UBQLN1: variants seen among roughly 807,000 people sequenced by gnomAD.
UBQLN1 encodes the protein ubiquilin-1.
Under a neutral mutation model 65.4 loss-of-function variants are expected in UBQLN1, and 13 were observed. The ratio of observed to expected loss-of-function variants is 0.20; its 90% CI spans 0.13 to 0.32. The LOEUF (loss-of-function observed/expected upper bound fraction) is 0.32. Ranked by LOEUF, UBQLN1 falls within the 10% of genes least tolerant of loss-of-function variation. UBQLN1 has a pLI of 1.00. For synonymous variants in UBQLN1, 267 were observed against 247.8 expected, an observed-to-expected ratio of 1.08 and a Z score of -0.73; for missense variants, 561 against 724.0, an observed-to-expected ratio of 0.77 and a Z score of 2.58.
At position 83,663,865 on chromosome 9, in the gene UBQLN1, G is replaced by T. The variant is rs767002643; in HGVS notation, c.1617+10C>A. On this transcript the variant is annotated intron_variant, in intron 10 of 10. Transcript: ENST00000376395. ...AGGAATACAAAACTTGAATGGAAAAGAACTGATACCTGAGGATTTACTCCA... is the reference window on the plus strand; with the variant it reads ...AGGAATACAAAACTTGAATGGAAAATAACTGATACCTGAGGATTTACTCCA... 1.2e-6 allele frequency: 2 copies of T among 1,608,628 alleles called. No homozygotes were observed. Among genetic ancestry groups the T allele is most frequent in the South Asian group, 1.1e-5 (1 of 90,082 alleles).
chr9:83,698,254 G>A (rs1356519099), intron 1 of UBQLN1, among the ~76,000 whole-genome samples: 3 of 152,112 alleles, frequency 2.0e-5, no homozygotes, highest in African/African-American at 7.2e-5. Flanking sequence ...CAAACTGGCT[G>A]AAATGCAATG....
chr9:83,671,531 C>T (rs1327289611), intron 6 of UBQLN1, among the ~76,000 whole-genome samples: 4 of 152,120 alleles, frequency 2.6e-5, no homozygotes, highest in African/African-American at 9.7e-5. Flanking sequence ...TCCATCAAAG[C>T]TCTTGGGTGA....
intron 6 of UBQLN1, among the ~76,000 whole-genome samples, chr9:83,671,464 G>A (rs944933436): frequency 6.6e-6 from 1 of 152,102 alleles, no homozygotes; most frequent in South Asian, 2.1e-4. Flanking sequence ...GCTGCATGCA[G>A]AATGAATGCT....
At chr9:83,695,403 T>A (rs1224512194) in intron 1 of UBQLN1, among the ~76,000 whole-genome samples, 1 of 152,184 alleles carries the variant, frequency 6.6e-6, no homozygotes, top group East Asian at 1.9e-4. Context: ...TTTCACTATA[T>A]TGGCCAGGCT....
At chr9:83,666,555 T>G (rs764691849) in intron 7 of UBQLN1, 122 bp from the exon 8 acceptor site, 1 of 877,704 alleles carries the variant, frequency 1.1e-6, no homozygotes, top group African/African-American at 1.7e-5. Flanking sequence ...AGGTAGAACA[T>G]AAATAAAAAA....
chr9:83,676,896 T>A (rs1274482128), intron 6 of UBQLN1, among the ~76,000 whole-genome samples: 1 of 152,218 alleles, frequency 6.6e-6, no homozygotes, highest in Non-Finnish European at 1.5e-5. Flanking sequence ...AACATCCGCA[T>A]GTAGTATCTG....
At chr9:83,700,587 T>C (rs1450389522) in intron 1 of UBQLN1, among the ~76,000 whole-genome samples, 1 of 152,114 alleles carries the variant, frequency 6.6e-6, no homozygotes, top group African/African-American at 2.4e-5. Flanking sequence ...GGGATCCCAA[T>C]CCAGTCTGGA....
At position 83,663,868 on chromosome 9, in the gene UBQLN1, C is replaced by T; in HGVS notation, c.1617+7G>A. 1 of 1,610,644 alleles carries T rather than the reference C, an allele frequency of 6.2e-7. No individual in the cohort carries two copies. The highest frequency in any genetic ancestry group is 8.5e-7 in the Non-Finnish European group (1 of 1,178,910). ...AATACAAAACTTGAATGGAAAAGAACTGATACCTGAGGATTTACTCCAGCA... is the reference window on the plus strand; with the variant it reads ...AATACAAAACTTGAATGGAAAAGAATTGATACCTGAGGATTTACTCCAGCA... On this transcript the variant is annotated splice_region_variant and intron_variant, in intron 10 of 10. Coordinates refer to ENST00000376395, the MANE Select transcript of UBQLN1 (RefSeq NM_013438.5).
At chr9:83,674,062 G>A (rs2131152990) in intron 6 of UBQLN1, among the ~76,000 whole-genome samples, 1 of 152,176 alleles carries the variant, frequency 6.6e-6, no homozygotes, top group East Asian at 1.9e-4. Context: ...GCCTCCCAAA[G>A]TCCTGGGATA....
intron 6 of UBQLN1, among the ~76,000 whole-genome samples, chr9:83,669,660 T>C (rs1249146429): frequency 1.3e-5 from 2 of 152,216 alleles, no homozygotes; most frequent in Non-Finnish European, 2.9e-5. Flanking sequence ...TGAAAAGGAC[T>C]GAGCCAACTT....
chr9:83,700,608 T>C (rs1241824791), intron 1 of UBQLN1, among the ~76,000 whole-genome samples: 1 of 152,030 alleles, frequency 6.6e-6, no homozygotes, highest in Non-Finnish European at 1.5e-5. Context: ...CAATCAGAAA[T>C]AGATACTACC....
Position 83,678,464 on chromosome 9 carries a change from T to C in UBQLN1, c.847A>G (p.Met283Val), listed in dbSNP as rs1831880753. 8 of 1,613,438 alleles carry C rather than the reference T, an allele frequency of 5.0e-6. No individual in the cohort carries two copies. The highest frequency in any genetic ancestry group is 1.3e-5 in the African/African-American group (1 of 75,034). Residue 283 changes from methionine to valine, a missense_variant, in exon 5 of 11, where the codon ATG (methionine) becomes GTG (valine). Coordinates refer to ENST00000376395, the MANE Select transcript of UBQLN1 (RefSeq NM_013438.5). ...ACCTGCTCTTGTGCAGCACTCAGCA[T>C]TGGTTCCTGAATATCTGTGTACATG... ...RRMYTDIQEP[M>V]LSAAQEQFGG...
chr9:83,669,107 G>T, intron 7 of UBQLN1, 78 bp downstream of exon 7: 1 of 1,516,378 alleles, frequency 6.6e-7, no homozygotes, highest in African/African-American at 1.4e-5. Context: ...CAACACAAAT[G>T]TGCCAAAATC....
chr9:83,660,644 C>A lies in UBQLN1; in HGVS notation c.*1143G>T, dbSNP rs1044214. The A allele has an allele frequency of 0.35, 52,016 of 150,540 alleles. 9,453 individuals are homozygous for A. The highest frequency in any genetic ancestry group is 0.5 in the Middle Eastern group (146 of 294). The allele number at this position is 150,540 out of a possible 1,614,324, so 9.3% of individuals were successfully genotyped here. A position where few individuals can be genotyped will look rare whatever the true frequency, so the allele number is the denominator to read the frequency against. On this transcript the variant is annotated 3_prime_UTR_variant, in exon 11 of 11. Coordinates refer to ENST00000376395, the MANE Select transcript of UBQLN1 (RefSeq NM_013438.5). ...CAGTATTATTTAAGCTGGCCCCATC[C>A]AGGACAGATTCCGCTGCCCCACCCC...
rs189833782 is a variant in UBQLN1, at chr9:83,704,354, C to T, written c.180+3146G>A. On this transcript the variant is annotated intron_variant, in intron 1 of 10. Transcript: ENST00000376395. ...GCTTTTCTTTTTCTTCCACATTTTC[C>T]TGTATCTGTTTCCCTTGCATATACA... is the stretch of plus-strand genomic sequence containing the variant. Among the ~76,000 whole-genome samples the T allele has an allele frequency of 6.6e-5, 10 of 152,230 alleles. No homozygotes were observed. The East Asian group carries it at 1.7e-3, about 26-fold the overall frequency.
intron 2 of UBQLN1, among the ~76,000 whole-genome samples, chr9:83,685,340 G>A (rs759939462): frequency 1.3e-5 from 2 of 152,152 alleles, no homozygotes; most frequent in Non-Finnish European, 2.9e-5. Context: ...TATGGACACT[G>A]ACAACTAAGT....
intron 1 of UBQLN1, among the ~76,000 whole-genome samples, chr9:83,704,314 G>C (rs1832360565): frequency 6.6e-6 from 1 of 152,074 alleles, no homozygotes; most frequent in Non-Finnish European, 1.5e-5. Flanking sequence ...TTTACAAATA[G>C]GTCATTTGAA....
intron 10 of UBQLN1, among the ~76,000 whole-genome samples, chr9:83,663,019 T>A (rs1374171304): frequency 1.4e-5 from 2 of 144,738 alleles, no homozygotes; most frequent in South Asian, 2.1e-4. Flanking sequence ...CAGGTCGCAG[T>A]GAGCTGTGAT....
At chr9:83,663,586 AG>A (rs1462626022) in intron 10 of UBQLN1, among the ~76,000 whole-genome samples, 1 of 152,156 alleles carries the variant, frequency 6.6e-6, no homozygotes, top group African/African-American at 2.4e-5. Flanking sequence ...ATTTTCAAAT[AG>A]GAACAAAAAA....
Sources: allele counts gnomAD v4.1 joint callset (sites outside exome capture counted in the v4.1 genomes callset), GRCh38; gene constraint gnomAD v4.1.1; transcripts MANE v1.5; gene names NCBI Gene and HGNC (gene_info 2026-07-23, HGNC 2026-07-21).